The following DNAJC15 variants were observed in gnomAD, a reference collection of about 807,000 sequenced individuals.
DNAJC15 encodes the protein DnaJ heat shock protein family (Hsp40) member C15.
In DNAJC15, 27 loss-of-function variants were observed where a neutral mutation model predicts 22.4. That is an observed-to-expected ratio of 1.20 (90% CI 0.89 to 1.66). The LOEUF is 1.66. DNAJC15 is among the 40% of genes most tolerant of loss of function. DNAJC15 has a pLI of 0.00. For missense variants in DNAJC15, 208 were observed against 187.1 expected (o/e 1.11, Z -0.65); for synonymous variants, 79 against 63.2 (o/e 1.25, Z -1.19).
At chr13:43,041,888 T>C (rs2040455736) in intron 1 of DNAJC15, among the ~76,000 whole-genome samples, 1 of 152,218 alleles carries the variant, frequency 6.6e-6, no homozygotes, top group Admixed American at 6.5e-5. Context: ...TAGAGGTTCA[T>C]AGCATGGTGA....
chr13:43,065,684 AGG>A lies in DNAJC15; in HGVS notation c.109-1_109del. ...AAGTAATATTCATTTTTTCTTCCAT[AGG>A]TAAGAAGTTTGATAGCTGTAGGACT... is the stretch of plus-strand genomic sequence containing the variant. On this transcript the variant is annotated splice_acceptor_variant and coding_sequence_variant, in exon 2 of 6. Coordinates refer to ENST00000379221, the MANE Select transcript of DNAJC15 (RefSeq NM_013238.3). LOFTEE classifies it high-confidence loss of function. 17 of 1,612,216 alleles carry A rather than the reference AGG, an allele frequency of 1.1e-5. No individual in the cohort carries two copies. Among genetic ancestry groups the A allele is most frequent in the Non-Finnish European group, 1.4e-5 (16 of 1,179,154 alleles).
chr13:43,062,021 G>C (rs1486540651), intron 1 of DNAJC15, among the ~76,000 whole-genome samples: 1 of 152,060 alleles, frequency 6.6e-6, no homozygotes, highest in African/African-American at 2.4e-5. Flanking sequence ...ATGTAGTGAT[G>C]ATTTTATCAG....
rs1434190194 is a variant in DNAJC15 at position 43,068,949 on chromosome 13, C to T, written c.180C>T (p.Ile60=). Residue 60 remains isoleucine, a synonymous_variant, in exon 3 of 6, where the codon ATC becomes ATT. Coordinates refer to ENST00000379221, the MANE Select transcript of DNAJC15 (RefSeq NM_013238.3). ...ATTTAGGTCGCTACGCATTTCGGAT[C>T]TGGAAACCTCTAGAACAAGTTATCA... ...LAFAGRYAFR[I]WKPLEQVITE... The T allele has an allele frequency of 1.9e-6, 3 of 1,612,724 alleles. No homozygotes were observed. The highest frequency in any genetic ancestry group is 2.7e-5 in the African/African-American group (2 of 74,918).
chr13:43,080,284 C>T (rs763508164), intron 4 of DNAJC15, among the ~76,000 whole-genome samples: 47 of 152,106 alleles, frequency 3.1e-4, no homozygotes, highest in Non-Finnish European at 6.2e-4. Flanking sequence ...CTATTTAGCT[C>T]CCACATGTAA....
chr13:43,112,073 GAA>G lies in DNAJC15; in HGVS notation c.*4828_*4829del, dbSNP rs2040827499. ...AAAATTGCTGGGCATGGTGGACAAAGAAAATGTTCCTTCTAATGATTTTTTAT... is the reference window on the plus strand; with the variant it reads ...AAAATTGCTGGGCATGGTGGACAAAGAATGTTCCTTCTAATGATTTTTTAT... On this transcript the variant is annotated 3_prime_UTR_variant, in exon 6 of 6. Transcript: ENST00000379221. 2 of 152,304 alleles carry G rather than the reference GAA, an allele frequency of 1.3e-5. No individual in the cohort carries two copies. The highest frequency in any genetic ancestry group is 2.4e-5 in the African/African-American group (1 of 41,574). 9.4% of individuals were successfully genotyped at this position (152,304 alleles called of 1,614,324 possible). A position where few individuals can be genotyped will look rare whatever the true frequency, so the allele number is the denominator to read the frequency against.
chr13:43,061,005 G>A (rs1365371282), intron 1 of DNAJC15, among the ~76,000 whole-genome samples: 1 of 152,098 alleles, frequency 6.6e-6, no homozygotes, highest in Non-Finnish European at 1.5e-5. Context: ...GGAAGGGATG[G>A]GGCCTGAGAA....
chr13:43,088,438 C>A (rs2040699267), intron 5 of DNAJC15, among the ~76,000 whole-genome samples: 1 of 152,176 alleles, frequency 6.6e-6, no homozygotes, highest in Admixed American at 6.5e-5. Flanking sequence ...TCCTGTTTCA[C>A]AAGGCAGCTT....
At chr13:43,024,069 A>T (rs1336178834) in intron 1 of DNAJC15, among the ~76,000 whole-genome samples, 1 of 152,166 alleles carries the variant, frequency 6.6e-6, no homozygotes, top group Admixed American at 6.5e-5. Flanking sequence ...CTTGCAGGGG[A>T]CGTGGTGGGA....
Position 43,035,117 on chromosome 13 carries a change from G to A in DNAJC15, c.108+11383G>A, listed in dbSNP as rs1461299621. On this transcript the variant is annotated intron_variant, in intron 1 of 5. Transcript: ENST00000379221. The stretch of plus-strand genomic sequence containing the variant: ...GTGGCTGCTGCTTTCAGTCCATCAA[G>A]GACAGTAGAATTTTTCCCTGAAGCT... Among the ~76,000 whole-genome samples, 5 of 152,230 alleles carry A rather than the reference G, an allele frequency of 3.3e-5. No individual in the cohort carries two copies. The East Asian group carries it at 9.7e-4, about 29-fold the overall frequency.
intron 3 of DNAJC15, among the ~76,000 whole-genome samples, chr13:43,075,940 C>A (rs748400299): frequency 5.9e-5 from 9 of 152,170 alleles, no homozygotes; most frequent in Non-Finnish European, 2.9e-5. Context: ...GGATTACAGG[C>A]GTGAGGCACC....
chr13:43,076,341 A>C (rs2040633862), intron 3 of DNAJC15, among the ~76,000 whole-genome samples: 1 of 152,216 alleles, frequency 6.6e-6, no homozygotes, highest in Admixed American at 6.5e-5. Context: ...ACCAAGTAGA[A>C]ATTTATAATA....
At chr13:43,096,195 G>A (rs2040738851) in intron 5 of DNAJC15, among the ~76,000 whole-genome samples, 1 of 152,090 alleles carries the variant, frequency 6.6e-6, no homozygotes, top group African/African-American at 2.4e-5. Flanking sequence ...ATTTGGCAGT[G>A]TTTCACATGG....
At chr13:43,084,521 A>G (rs2040678257) in intron 4 of DNAJC15, among the ~76,000 whole-genome samples, 1 of 152,224 alleles carries the variant, frequency 6.6e-6, no homozygotes, top group Admixed American at 6.5e-5. Flanking sequence ...TGGTTCATCC[A>G]TGCAAATTAA....
chr13:43,101,689 G>C (rs1289800024), intron 5 of DNAJC15, among the ~76,000 whole-genome samples: 3 of 152,180 alleles, frequency 2.0e-5, no homozygotes, highest in South Asian at 2.1e-4. Context: ...ACAATGATTG[G>C]TTTTCCATTC....
intron 1 of DNAJC15, among the ~76,000 whole-genome samples, chr13:43,047,941 A>G (rs547593735): frequency 6.6e-6 from 1 of 152,314 alleles, no homozygotes; most frequent in African/African-American, 2.4e-5. Context: ...TAGTGAGAAC[A>G]TAAGATTTTT....
At chr13:43,040,679 C>T (rs1019093705) in intron 1 of DNAJC15, among the ~76,000 whole-genome samples, 6 of 151,938 alleles carry the variant, frequency 3.9e-5, no homozygotes, top group African/African-American at 7.3e-5. Context: ...GTTCAGCATA[C>T]GGAGGATCTC....
chr13:43,042,616 A>G (rs954017829), intron 1 of DNAJC15, among the ~76,000 whole-genome samples: 1 of 152,242 alleles, frequency 6.6e-6, no homozygotes, highest in Non-Finnish European at 1.5e-5. Context: ...TCATGGTGCC[A>G]CATAAGGTAG....
intron 5 of DNAJC15, among the ~76,000 whole-genome samples, chr13:43,106,974 T>G (rs1163588359): frequency 2.0e-5 from 3 of 150,508 alleles, no homozygotes; most frequent in East Asian, 1.9e-4. Context: ...TTCTCAGAGG[T>G]TTTTTTTTAT....
intron 5 of DNAJC15, among the ~76,000 whole-genome samples, chr13:43,093,432 A>G (rs1405402381): frequency 6.6e-6 from 1 of 152,160 alleles, no homozygotes; most frequent in Non-Finnish European, 1.5e-5. Flanking sequence ...TTTCATTGAG[A>G]CAGGGTCTTG....
Sources: gnomAD v4.1 joint callset for allele counts (sites outside exome capture counted in the v4.1 genomes callset) on GRCh38, gnomAD v4.1.1 for gene constraint, MANE v1.5 for transcripts, NCBI Gene and HGNC (gene_info 2026-07-23, HGNC 2026-07-21) for gene names.